The following RALGAPA1 variants were observed in gnomAD, a reference collection of about 807,000 sequenced individuals.
The protein encoded by RALGAPA1 is ral GTPase-activating protein subunit alpha-1.
Under a neutral mutation model 269.6 loss-of-function variants are expected in RALGAPA1, and 52 were observed. The ratio of observed to expected loss-of-function variants is 0.19; its 90% CI spans 0.15 to 0.24. RALGAPA1 has a LOEUF of 0.24. RALGAPA1 is among the 10% of genes least tolerant of loss of function. The pLI, the probability that RALGAPA1 is intolerant of heterozygous loss-of-function variation, is 1.00. For synonymous variants in RALGAPA1, 817 were observed against 1,008.3 expected, an observed-to-expected ratio of 0.81 and a Z score of 3.60; for missense variants, 1,917 against 3,013.9, an observed-to-expected ratio of 0.64 and a Z score of 8.52.
At chr14:35,561,506 GTTTTTTTTTTT>G (rs750062810) in intron 39 of RALGAPA1, among the ~76,000 whole-genome samples, 6 of 72,900 alleles carry the variant, frequency 8.2e-5, no homozygotes, top group Non-Finnish European at 1.3e-4. Flanking sequence ...TAATATAGGA[GTTTTTTTTTTT>G]TTTTTTTTTT....
chr14:35,757,032 A>G (rs761914514), intron 6 of RALGAPA1, 124 bp from the exon 7 acceptor site: 483 of 638,588 alleles, frequency 7.6e-4, no homozygotes, highest in Non-Finnish European at 8.7e-4. Context: ...CTTTCTAATG[A>G]CTGATCCTTG....
At chr14:35,734,424 C>T (rs564619760) in intron 12 of RALGAPA1, among the ~76,000 whole-genome samples, 12 of 152,164 alleles carry the variant, frequency 7.9e-5, no homozygotes, top group East Asian at 1.9e-4. Context: ...AACTGATCTT[C>T]GACAGAGCAA....
intron 37 of RALGAPA1, among the ~76,000 whole-genome samples, chr14:35,579,596 G>A (rs1391965042): frequency 8.6e-6 from 1 of 115,706 alleles, no homozygotes; most frequent in South Asian, 3.2e-4. Context: ...AACATAGTGA[G>A]ACTCCGTCTC....
chr14:35,648,564 C>T (rs553185767), intron 31 of RALGAPA1, among the ~76,000 whole-genome samples: 3 of 151,996 alleles, frequency 2.0e-5, no homozygotes, highest in Non-Finnish European at 4.4e-5. Context: ...GGGCGGTTCA[C>T]TTCAGCTCAA....
In RALGAPA1 at chr14:35,721,761, T is replaced by C. The variant is rs751485359; in HGVS notation, c.2193A>G (p.Arg731=). 7 of 1,613,204 alleles carry C rather than the reference T, an allele frequency of 4.3e-6. No individual in the cohort carries two copies. Among genetic ancestry groups the C allele is most frequent in the Non-Finnish European group, 5.9e-6 (7 of 1,179,164 alleles). The part of the protein sequence containing the change: ...SRDQPGQAPM[R]QRSATTTGSP... The stretch of plus-strand genomic sequence containing the variant: ...AACCAGTGGTTGTTGCACTCCTCTG[T>C]CTCATTGGGGCTTGGCCAGGCTGAT... The change falls in exon 16 of 42, where the codon AGA becomes AGG. Residue 731 remains arginine, a synonymous_variant. Coordinates refer to ENST00000680220, the MANE Select transcript of RALGAPA1 (RefSeq NM_001346249.2).
In RALGAPA1 at chr14:35,794,072, A is replaced by G. The variant is rs188897639; in HGVS notation, c.106+14658T>C. The stretch of plus-strand genomic sequence containing the variant: ...AGGTCAAGTTCATTTTTCAAATCAG[A>G]CAGATTCAAATTAAAGAACATACAT... On this transcript the variant is annotated intron_variant, in intron 1 of 41. Transcript: ENST00000680220. Among the ~76,000 whole-genome samples the G allele has an allele frequency of 2.0e-4, 31 of 152,298 alleles. 1 individual carries two copies. The East Asian group carries it at 5.2e-3, about 26-fold the overall frequency.
chr14:35,567,881 CA>C (rs919237616), intron 39 of RALGAPA1, among the ~76,000 whole-genome samples: 22 of 152,246 alleles, frequency 1.4e-4, no homozygotes, highest in African/African-American at 5.1e-4. Flanking sequence ...CAAGAAAGTA[CA>C]AACTCTTCCA....
chr14:35,592,180 A>T (rs2058680329), intron 37 of RALGAPA1, among the ~76,000 whole-genome samples: 1 of 152,104 alleles, frequency 6.6e-6, no homozygotes, highest in African/African-American at 2.4e-5. Flanking sequence ...ATGAAAGTGA[A>T]GACATTACAA....
At chr14:35,620,326 A>C (rs2060533534) in intron 35 of RALGAPA1, among the ~76,000 whole-genome samples, 1 of 151,904 alleles carries the variant, frequency 6.6e-6, no homozygotes, top group Admixed American at 6.6e-5. Context: ...CATGCTAAAA[A>C]CTCTCAATAA....
intron 12 of RALGAPA1, among the ~76,000 whole-genome samples, chr14:35,729,080 C>T (rs772863380): frequency 6.6e-6 from 1 of 151,438 alleles, no homozygotes. Flanking sequence ...AACTCTATTG[C>T]TATAATAAAT....
At chr14:35,542,285 C>T (rs1197890607) in intron 41 of RALGAPA1, 1 of 287,886 alleles carries the variant, frequency 3.5e-6, no homozygotes, top group Admixed American at 5.1e-5. Flanking sequence ...GTTCAACAGC[C>T]ACATGTAGTT....
In RALGAPA1 at chr14:35,677,741, A is replaced by C. The variant is rs1037275173; in HGVS notation, c.4624+209T>G. ...ATGCAATAACTAATTTGAGGACTCT[A>C]ATCAACTATAATAAAATGAATAAAA... On this transcript the variant is annotated intron_variant, in intron 22 of 41. Coordinates refer to ENST00000680220, the MANE Select transcript of RALGAPA1 (RefSeq NM_001346249.2). 15 of 515,748 alleles carry C rather than the reference A, an allele frequency of 2.9e-5. No individual in the cohort carries two copies. In the Admixed American group the frequency reaches 5.9e-4, roughly 20 times the overall value. 31.9% of individuals were successfully genotyped at this position (515,748 alleles called of 1,614,324 possible).
At position 35,661,357 on chromosome 14, in the gene RALGAPA1, T is replaced by C. The variant is rs114192863; in HGVS notation, c.5329-2161A>G. On this transcript the variant is annotated intron_variant, in intron 27 of 41. Coordinates refer to ENST00000680220, the MANE Select transcript of RALGAPA1 (RefSeq NM_001346249.2). ...CAAGTTAAAATATTAGTTAAAATTA[T>C]GTAAATGAATAAAATATTCAAAGGG... Among the ~76,000 whole-genome samples the C allele has an allele frequency of 5.1e-3, 775 of 152,270 alleles. 3 individuals are homozygous for C. Among genetic ancestry groups the C allele is most frequent in the African/African-American group, 0.018 (740 of 41,574 alleles).
chr14:35,633,433 ATTTATG>A (rs955037653), intron 33 of RALGAPA1, among the ~76,000 whole-genome samples: 4 of 152,124 alleles, frequency 2.6e-5, no homozygotes, highest in African/African-American at 9.7e-5. Context: ...TCAATAGTGT[ATTTATG>A]TTCTAGACAA....
intron 39 of RALGAPA1, among the ~76,000 whole-genome samples, chr14:35,550,620 T>C (rs2054909465): frequency 6.6e-6 from 1 of 152,154 alleles, no homozygotes; most frequent in African/African-American, 2.4e-5. Context: ...AAAAAAAGTA[T>C]AAGAGTTAAA....
rs1339600103 is a variant in RALGAPA1 at position 35,717,335 on chromosome 14, G to A, written c.2266+4353C>T. 3.9e-4 allele frequency among the ~76,000 whole-genome samples: 60 copies of A among 152,196 alleles called. 1 individual carries two copies. Among genetic ancestry groups the A allele is most frequent in the Admixed American group, 3.9e-3 (59 of 15,298 alleles). Reference sequence around the variant, plus strand: ...TGGCTAATTTTTTGTATTTTTAGTAGAAATGGGATTTCACCATATTAGCCA... The same window carrying A: ...TGGCTAATTTTTTGTATTTTTAGTAAAAATGGGATTTCACCATATTAGCCA... On this transcript the variant is annotated intron_variant, in intron 16 of 41. Transcript: ENST00000680220.
chr14:35,768,235 G>A (rs1478923050), intron 4 of RALGAPA1, among the ~76,000 whole-genome samples: 3 of 152,106 alleles, frequency 2.0e-5, no homozygotes, highest in Non-Finnish European at 4.4e-5. Context: ...AACAAGTGAG[G>A]CTAGCTTAAA....
chr14:35,692,706 A>C (rs2066591146), intron 17 of RALGAPA1, among the ~76,000 whole-genome samples: 2 of 151,990 alleles, frequency 1.3e-5, no homozygotes, highest in Non-Finnish European at 2.9e-5. Context: ...TAACTACATA[A>C]AATCAAAGAA....
In RALGAPA1 at chr14:35,664,681, G is replaced by A. The variant is rs764382346; in HGVS notation, c.5289C>T (p.Asn1763=). 10 of 1,612,442 alleles carry A rather than the reference G, an allele frequency of 6.2e-6. No individual in the cohort carries two copies. In the Admixed American group the frequency reaches 1.0e-4, roughly 16 times the overall value. ...ACTGAGACACAGCAACATCAGGAATGTTGGGATGAAGAGAAGGCAGTTCAC... is the reference window on the plus strand; with the variant it reads ...ACTGAGACACAGCAACATCAGGAATATTGGGATGAAGAGAAGGCAGTTCAC... The part of the protein sequence containing the change: ...LYCELPSLHP[N]IPDVAVSQFT... The change falls in exon 27 of 42, where the codon AAC becomes AAT. Residue 1763 remains asparagine (N), a synonymous_variant. Coordinates refer to ENST00000680220, the MANE Select transcript of RALGAPA1 (RefSeq NM_001346249.2).
Sources: allele counts gnomAD v4.1 joint callset (sites outside exome capture counted in the v4.1 genomes callset), GRCh38; gene constraint gnomAD v4.1.1; transcripts MANE v1.5; gene names NCBI Gene and HGNC (gene_info 2026-07-23, HGNC 2026-07-21).